The following SSR2 variants were observed in gnomAD, a reference collection of about 807,000 sequenced individuals.
SSR2 encodes the protein translocon-associated protein subunit beta.
Under a neutral mutation model 22.6 loss-of-function variants are expected in SSR2, and 16 were observed. The ratio of observed to expected loss-of-function variants is 0.71; its 90% CI spans 0.48 to 1.08. The LOEUF (loss-of-function observed/expected upper bound fraction) is 1.08, where lower values mean the gene tolerates loss of function less well. Ranked by LOEUF, SSR2 falls within the 50% of genes least tolerant of loss-of-function variation. The pLI is 0.00. For missense variants in SSR2, 171 were observed against 221.6 expected (o/e 0.77, Z 1.45); for synonymous variants, 83 against 91.2 (o/e 0.91, Z 0.51).
chr1:156,011,750 A>T lies in SSR2; in HGVS notation c.441+60T>A, dbSNP rs1682981178. 2.1e-6 allele frequency: 3 copies of T among 1,453,104 alleles called. No homozygotes were observed. The East Asian group carries it at 6.8e-5, about 33-fold the overall frequency. 90.0% of individuals were successfully genotyped at this position (1,453,104 alleles called of 1,614,324 possible). A position where few individuals can be genotyped will look rare whatever the true frequency, so the allele number is the denominator to read the frequency against. ...AAATCTGTGGAAGCCAAGAGGGTCC[A>T]GAACCAAAAGGGCATTCTCATACCA... On this transcript the variant is annotated intron_variant, in intron 5 of 5. Transcript: ENST00000295702.
intron 5 of SSR2, chr1:156,010,587 T>G (rs1325955081): frequency 6.6e-6 from 1 of 152,174 alleles, no homozygotes; most frequent in East Asian, 1.9e-4. Flanking sequence ...AGAATGGCTC[T>G]CTAAAGACCA....
At chr1:156,017,552 C>G (rs11584994) in intron 3 of SSR2, among the ~76,000 whole-genome samples, 8 of 151,544 alleles carry the variant, frequency 5.3e-5, no homozygotes, top group African/African-American at 1.5e-4. Flanking sequence ...GTTTCACTAT[C>G]TTGGCCAGGC....
At position 156,018,694 on chromosome 1, in the gene SSR2, G is replaced by A. The variant is rs34995046; in HGVS notation, c.156-326C>T. Among the ~76,000 whole-genome samples, 8 of 151,442 alleles carry A rather than the reference G, an allele frequency of 5.3e-5. No individual in the cohort carries two copies. In the South Asian group the frequency reaches 1.5e-3, roughly 28 times the overall value. ...ACTATACTCCAGCCTGGGACAGAGC[G>A]AGACTCTGTCTCAAACAAACAAAAA... On this transcript the variant is annotated intron_variant, in intron 2 of 5. Transcript: ENST00000295702.
chr1:156,020,821 A>C, intron 1 of SSR2, 67 bp downstream of exon 1: 1 of 451,966 alleles, frequency 2.2e-6, no homozygotes, highest in Non-Finnish European at 4.7e-6. Context: ...ACCCCCAGCC[A>C]CGGGGTGATG....
intron 4 of SSR2, chr1:156,013,031 T>C (rs1683001050): frequency 6.5e-6 from 1 of 154,266 alleles, no homozygotes; most frequent in African/African-American, 2.4e-5. Context: ...AGAGGGAAGA[T>C]CTATAAATAA....
intron 4 of SSR2, chr1:156,012,347 G>A: frequency 3.1e-6 from 1 of 322,182 alleles, no homozygotes; most frequent in Middle Eastern, 4.8e-4. Context: ...AGGCTCAAAT[G>A]AAATAGCAAA....
chr1:156,019,910 GT>G (rs1683122589), intron 2 of SSR2, 102 bp downstream of exon 2: 1 of 1,308,452 alleles, frequency 7.6e-7, no homozygotes, highest in South Asian at 1.5e-5. Context: ...TGCTGGAAGT[GT>G]CCCAAAGAGA....
chr1:156,011,689 C>A, intron 5 of SSR2, 121 bp downstream of exon 5: 1 of 773,662 alleles, frequency 1.3e-6, no homozygotes, highest in Non-Finnish European at 2.1e-6. Flanking sequence ...TATCAGACAC[C>A]AAAAAACACA....
chr1:156,019,561 T>G (rs575290282), intron 2 of SSR2, among the ~76,000 whole-genome samples: 1 of 152,134 alleles, frequency 6.6e-6, no homozygotes, highest in African/African-American at 2.4e-5. Flanking sequence ...ATTTTTGTAT[T>G]TTTAGTAGTG....
intron 3 of SSR2, among the ~76,000 whole-genome samples, chr1:156,017,047 CAATT>C (rs1683069198): frequency 6.6e-6 from 1 of 152,132 alleles, no homozygotes; most frequent in South Asian, 2.1e-4. Flanking sequence ...TAATAAAATA[CAATT>C]AATTATTATT....
intron 2 of SSR2, among the ~76,000 whole-genome samples, 170 bp from the exon 3 acceptor site, chr1:156,018,538 T>C (rs1336948205): frequency 6.6e-6 from 1 of 151,622 alleles, no homozygotes; most frequent in Non-Finnish European, 1.5e-5. Flanking sequence ...TGAAACCCTG[T>C]CTCTACTAAA....
chr1:156,016,194 A>C lies in SSR2; in HGVS notation c.255-1125T>G, dbSNP rs370707123. 1.8e-3 allele frequency among the ~76,000 whole-genome samples: 279 copies of C among 152,132 alleles called. 1 individual carries two copies. Among genetic ancestry groups the C allele is most frequent in the African/African-American group, 5.8e-3 (239 of 41,534 alleles). On this transcript the variant is annotated intron_variant, in intron 3 of 5. Coordinates refer to ENST00000295702, the MANE Select transcript of SSR2 (RefSeq NM_003145.4). ...TCATTCAATCAGTGCTTCTTCTTGG[A>C]TGATTAAAAGAAATTATAGTCACTT...
In SSR2 at chr1:156,011,826, C is replaced by A; in HGVS notation, c.425G>T (p.Arg142Leu). ...GILAQREFDR[R>L]FSPHFLDWAA... is the part of the protein sequence containing the mutation. ...AAAGCTTACAAAATGAGGGGAGAATCGCCTGTCAAACTCCCGCTGAGCCAG... is the reference window on the plus strand; with the variant it reads ...AAAGCTTACAAAATGAGGGGAGAATAGCCTGTCAAACTCCCGCTGAGCCAG... The change falls in exon 5 of 6, where the codon CGA becomes CTA. Residue 142 changes from arginine (R) to leucine (L), a missense_variant. Arg to Leu is a moderately radical substitution (Grantham distance 102). Coordinates refer to ENST00000295702, the MANE Select transcript of SSR2 (RefSeq NM_003145.4). 1.9e-6 allele frequency: 3 copies of A among 1,613,772 alleles called. No individual in the cohort carries two copies. The highest frequency in any genetic ancestry group is 2.5e-6 in the Non-Finnish European group (3 of 1,179,796).
intron 4 of SSR2, 143 bp downstream of exon 4, chr1:156,014,818 G>T: frequency 1.5e-6 from 1 of 671,646 alleles, no homozygotes; most frequent in Non-Finnish European, 2.6e-6. Flanking sequence ...CTAGATTACA[G>T]GTGTGAGCCA....
At chr1:156,015,351 G>A (rs903031867) in intron 3 of SSR2, among the ~76,000 whole-genome samples, 14 of 150,178 alleles carry the variant, frequency 9.3e-5, no homozygotes, top group Admixed American at 8.7e-4. Context: ...AATAAAATAC[G>A]AAAAAATTAG....
intron 1 of SSR2, chr1:156,020,419 C>T (rs930373058): frequency 3.9e-5 from 16 of 414,356 alleles, no homozygotes; most frequent in African/African-American, 3.0e-4. Flanking sequence ...CCCCGGGATG[C>T]CCACCGGCTG....
chr1:156,019,525 CA>C (rs1683113623), intron 2 of SSR2, among the ~76,000 whole-genome samples: 2 of 152,120 alleles, frequency 1.3e-5, no homozygotes, highest in African/African-American at 4.8e-5. Context: ...GCTGGGACTA[CA>C]GGCGTCCGCC....
At chr1:156,009,779 A>AT in intron 5 of SSR2, 129 bp from the exon 6 acceptor site, 1 of 617,530 alleles carries the variant, frequency 1.6e-6, no homozygotes, top group Non-Finnish European at 2.7e-6. Context: ...ACAAAGTCTT[A>AT]GTTTTTTTTT....
intron 2 of SSR2, chr1:156,019,347 C>T: frequency 3.0e-6 from 1 of 334,214 alleles, no homozygotes; most frequent in Non-Finnish European, 6.2e-6. Flanking sequence ...GAAAGAAAGG[C>T]AACAAAAATG....
Sources: gnomAD v4.1 joint callset for allele counts (sites outside exome capture counted in the v4.1 genomes callset) on GRCh38, gnomAD v4.1.1 for gene constraint, MANE v1.5 for transcripts, NCBI Gene and HGNC (gene_info 2026-07-23, HGNC 2026-07-21) for gene names.